The following PAPOLG variants were observed in gnomAD, a reference collection of about 807,000 sequenced individuals.
PAPOLG encodes poly(A) polymerase gamma, also known as PAP-gamma.
Under a neutral mutation model 99.0 loss-of-function variants are expected in PAPOLG, and 40 were observed. The observed-to-expected ratio is 0.40, with a 90% CI of 0.31 to 0.53. The LOEUF is 0.53. PAPOLG is among the 20% of genes least tolerant of loss of function. The pLI is 0.41. For synonymous variants in PAPOLG, 310 were observed against 299.3 expected (o/e 1.04, Z -0.37); for missense variants, 675 against 884.1 (o/e 0.76, Z 3.00).
rs531595596 is a variant in PAPOLG at position 60,769,007 on chromosome 2, A to G, written c.438+117A>G. 155 of 762,840 alleles carry G rather than the reference A, an allele frequency of 2.0e-4. 1 individual carries two copies. In the African/African-American group the frequency reaches 2.5e-3, roughly 12 times the overall value. The allele number at this position is 762,840 out of a possible 1,614,324, so 47.3% of individuals were successfully genotyped here. On this transcript the variant is annotated intron_variant, in intron 5 of 21. Transcript: ENST00000238714. ...AGTTACTATTAGGAGGTATTTAATA[A>G]GAGTAGCTTTAATAAGTGATGATTA...
intron 13 of PAPOLG, among the ~76,000 whole-genome samples, chr2:60,785,834 A>G (rs1671346002): frequency 6.6e-6 from 1 of 151,982 alleles, no homozygotes; most frequent in Non-Finnish European, 1.5e-5. Flanking sequence ...CACCTGGCCT[A>G]GCCTAGCCTT....
At chr2:60,761,034 G>T (rs1305991156) in intron 2 of PAPOLG, among the ~76,000 whole-genome samples, 1 of 152,114 alleles carries the variant, frequency 6.6e-6, no homozygotes, top group Non-Finnish European at 1.5e-5. Flanking sequence ...TAGAAATCTG[G>T]ATATATTTTA....
Position 60,777,451 on chromosome 2 carries a change from G to A in PAPOLG, c.695-2186G>A, listed in dbSNP as rs892192587. The stretch of plus-strand genomic sequence containing the variant: ...AGCCTGGGCGACAGAGCAAGACTCC[G>A]TCTCAAAAAAAAATTTTTTTTTTCT... On this transcript the variant is annotated intron_variant, in intron 8 of 21. Coordinates refer to ENST00000238714, the MANE Select transcript of PAPOLG (RefSeq NM_022894.4). Among the ~76,000 whole-genome samples, 10 of 152,054 alleles carry A rather than the reference G, an allele frequency of 6.6e-5. No individual in the cohort carries two copies. In the East Asian group the frequency reaches 1.4e-3, roughly 21 times the overall value.
chr2:60,796,287 T>C (rs1671698562), intron 21 of PAPOLG, among the ~76,000 whole-genome samples: 1 of 150,188 alleles, frequency 6.7e-6, no homozygotes, highest in African/African-American at 2.5e-5. Flanking sequence ...GCGCGATCTT[T>C]TTGTATTTGT....
intron 3 of PAPOLG, among the ~76,000 whole-genome samples, chr2:60,768,101 ATTT>A (rs1163440325): frequency 6.7e-6 from 1 of 149,252 alleles, no homozygotes; most frequent in Non-Finnish European, 1.5e-5. Context: ...CATTATGGTG[ATTT>A]TTTTTTTTAT....
At chr2:60,778,419 C>T (rs1671087148) in intron 8 of PAPOLG, among the ~76,000 whole-genome samples, 1 of 152,028 alleles carries the variant, frequency 6.6e-6, no homozygotes, top group Non-Finnish European at 1.5e-5. Context: ...CTCAACCAGT[C>T]CTCCTGCCTT....
chr2:60,760,445 A>T, intron 2 of PAPOLG, 150 bp downstream of exon 2: 1 of 672,602 alleles, frequency 1.5e-6, no homozygotes, highest in Admixed American at 3.0e-5. Context: ...CATTTTAGGT[A>T]GGGGTTAGAA....
In PAPOLG at chr2:60,770,499, T is replaced by C. The variant is rs969173565; in HGVS notation, c.480T>C (p.Phe160=). ...TTGTACCTGTTATAAAATTTGAATT[T>C]GATGGTATTGAAGTAAGTGTTTAAT... ...DAFVPVIKFE[F]DGIEIDLVFA... Residue 160 remains phenylalanine (F), a synonymous_variant, in exon 6 of 22, where the codon TTT becomes TTC. Coordinates refer to ENST00000238714, the MANE Select transcript of PAPOLG (RefSeq NM_022894.4). The C allele has an allele frequency of 9.5e-6, 15 of 1,581,868 alleles. No individual in the cohort carries two copies. Among genetic ancestry groups the C allele is most frequent in the Middle Eastern group, 1.7e-4 (1 of 5,998 alleles).
chr2:60,758,533 A>G (rs1177168), intron 1 of PAPOLG, among the ~76,000 whole-genome samples: 7 of 149,960 alleles, frequency 4.7e-5, no homozygotes, highest in Admixed American at 4.0e-4. Flanking sequence ...GTTCAAGCGA[A>G]TCTCCTGCCT....
At chr2:60,773,580 TTGAG>T (rs1414593667) in intron 7 of PAPOLG, among the ~76,000 whole-genome samples, 1 of 152,214 alleles carries the variant, frequency 6.6e-6, no homozygotes, top group Non-Finnish European at 1.5e-5. Flanking sequence ...GTCTTGTTCT[TTGAG>T]TGGTCCCTTT....
intron 5 of PAPOLG, among the ~76,000 whole-genome samples, chr2:60,769,540 G>A (rs552411955): frequency 5.9e-5 from 9 of 152,308 alleles, no homozygotes; most frequent in African/African-American, 2.2e-4. Flanking sequence ...AGACAAGGAA[G>A]TTAAGAATTT....
Position 60,794,049 on chromosome 2 carries a change from C to T in PAPOLG, c.1847C>T (p.Pro616Leu). ...ACCGTAGTAGGACGAAATGTCATTCCTAGAATCACAACACCTCACAACCCT... is the reference window on the plus strand; with the variant it reads ...ACCGTAGTAGGACGAAATGTCATTCTTAGAATCACAACACCTCACAACCCT... ...IPTVVGRNVI[P>L]RITTPHNPAQ... is the part of the protein sequence containing the mutation. The change falls in exon 19 of 22, where the codon CCT becomes CTT. Residue 616 changes from proline (P) to leucine (L), a missense_variant. Pro to Leu is a moderately conservative substitution (Grantham distance 98). Transcript: ENST00000238714. 1 of 1,614,028 alleles carries T rather than the reference C, an allele frequency of 6.2e-7. No individual in the cohort carries two copies. Among genetic ancestry groups the T allele is most frequent in the Non-Finnish European group, 8.5e-7 (1 of 1,179,906 alleles).
chr2:60,783,341 T>TTTTG, intron 13 of PAPOLG, 132 bp downstream of exon 13: 3 of 485,772 alleles, frequency 6.2e-6, no homozygotes, highest in Non-Finnish European at 9.9e-6. Flanking sequence ...TTTTTTTTTT[T>TTTTG]TTTGAGACAA....
intron 15 of PAPOLG, among the ~76,000 whole-genome samples, chr2:60,788,285 C>G (rs149635194): frequency 6.6e-6 from 1 of 152,124 alleles, no homozygotes; most frequent in African/African-American, 2.4e-5. Flanking sequence ...TACTCTTCAA[C>G]GCTTTAAGTT....
intron 6 of PAPOLG, 150 bp from the exon 7 acceptor site, chr2:60,771,369 A>G (rs1670845705): frequency 4.0e-6 from 3 of 754,882 alleles, no homozygotes; most frequent in South Asian, 7.3e-5. Context: ...TGATTTTCCC[A>G]TGTGAGACTG....
chr2:60,764,653 T>A (rs1670620931), intron 3 of PAPOLG, among the ~76,000 whole-genome samples: 1 of 152,156 alleles, frequency 6.6e-6, no homozygotes, highest in African/African-American at 2.4e-5. Flanking sequence ...CTCGAACTCC[T>A]GAGTTCAAGC....
intron 6 of PAPOLG, among the ~76,000 whole-genome samples, chr2:60,770,953 A>G (rs1374168754): frequency 6.6e-6 from 1 of 152,120 alleles, no homozygotes; most frequent in Non-Finnish European, 1.5e-5. Flanking sequence ...ATACTATTTT[A>G]TTCTTTAAAT....
At chr2:60,759,102 C>G (rs1258116489) in intron 1 of PAPOLG, among the ~76,000 whole-genome samples, 7 of 152,010 alleles carry the variant, frequency 4.6e-5, no homozygotes, top group Non-Finnish European at 1.0e-4. Context: ...AGCGCGGGGG[C>G]TCACGCCTGT....
intron 15 of PAPOLG, among the ~76,000 whole-genome samples, chr2:60,789,544 A>G (rs1671468931): frequency 6.6e-6 from 1 of 152,052 alleles, no homozygotes; most frequent in Non-Finnish European, 1.5e-5. Flanking sequence ...CCAGACTTTT[A>G]TGTTTTTGAT....
Sources: gnomAD v4.1 joint callset for allele counts (sites outside exome capture counted in the v4.1 genomes callset) on GRCh38, gnomAD v4.1.1 for gene constraint, MANE v1.5 for transcripts, NCBI Gene and HGNC (gene_info 2026-07-23, HGNC 2026-07-21) for gene names.